Variants in ANG observed in about 807,000 individuals in gnomAD.
ANG encodes Homo sapiens epididymis luminal protein 168.
For synonymous variants in ANG, 74 were observed against 73.8 expected (o/e 1.00, Z -0.02); for missense variants, 178 against 187.4 (o/e 0.95, Z 0.29).
At chr14:20,688,007 G>A (rs895380767), upstream of ANG, among the ~76,000 whole-genome samples, 4 of 152,190 alleles carry the variant, frequency 2.6e-5, no homozygotes, top group African/African-American at 9.7e-5. Context: ...GGTGATCCTG[G>A]TGACCTTTGG....
chr14:20,692,934 G>T (rs901863681), intron 1 of ANG, among the ~76,000 whole-genome samples: 3 of 151,960 alleles, frequency 2.0e-5, no homozygotes, highest in Non-Finnish European at 4.4e-5. Flanking sequence ...TGCAAGCTCC[G>T]CCTCCCGGGT....
Position 20,693,617 on chromosome 14 carries a change from T to G in ANG, c.53T>G (p.Leu18Arg), listed in dbSNP as rs768342067. The G allele has an allele frequency of 6.2e-7, 1 of 1,614,068 alleles. No homozygotes were observed. The highest frequency in any genetic ancestry group is 8.5e-7 in the Non-Finnish European group (1 of 1,180,042). ...LLLVFVLGLG[L>R]TPPTLAQDNS... ...TTGGTCTTCGTGCTGGGTCTGGGTC[T>G]GACCCCACCGACCCTGGCTCAGGAT... The change falls in exon 2 of 2, where the codon CTG becomes CGG. Residue 18 changes from leucine to arginine, a missense_variant. Transcript: ENST00000397990.
intron 1 of ANG, among the ~76,000 whole-genome samples, chr14:20,689,447 G>A (rs979116775): frequency 6.6e-6 from 1 of 152,198 alleles, no homozygotes; most frequent in East Asian, 1.9e-4. Context: ...AAAGTGTGAA[G>A]CCACATTGAT....
At chr14:20,692,886 C>T (rs546792502) in intron 1 of ANG, among the ~76,000 whole-genome samples, 8 of 152,046 alleles carry the variant, frequency 5.3e-5, no homozygotes, top group Admixed American at 2.6e-4. Context: ...CTCGCTCTGT[C>T]GCCAAGGCTG....
At chr14:20,685,892 T>C (rs1212906618), upstream of ANG, among the ~76,000 whole-genome samples, 1 of 151,752 alleles carries the variant, frequency 6.6e-6, no homozygotes, top group Non-Finnish European at 1.5e-5. Flanking sequence ...ATACAAAAAT[T>C]AGCCGGGCAC....
In ANG at chr14:20,693,579, G is replaced by A; in HGVS notation, c.15G>A (p.Leu5=). Residue 5 remains leucine (L), a synonymous_variant, in exon 2 of 2, where the codon CTG becomes CTA. Coordinates refer to ENST00000397990, the MANE Select transcript of ANG (RefSeq NM_001097577.3). The part of the protein sequence containing the change: MVMG[L]GVLLLVFVLG... ...TGTTGGAAGAGATGGTGATGGGCCTGGGCGTTTTGTTGTTGGTCTTCGTGC... is the reference window on the plus strand; with the variant it reads ...TGTTGGAAGAGATGGTGATGGGCCTAGGCGTTTTGTTGTTGGTCTTCGTGC... 1 of 1,612,864 alleles carries A rather than the reference G, an allele frequency of 6.2e-7. No homozygotes were observed. Among genetic ancestry groups the A allele is most frequent in the Non-Finnish European group, 8.5e-7 (1 of 1,180,034 alleles).
chr14:20,692,608 A>T (rs573024590), intron 1 of ANG, among the ~76,000 whole-genome samples: 115 of 152,336 alleles, frequency 7.5e-4, no homozygotes, highest in African/African-American at 2.5e-3. Context: ...GAATCTAACT[A>T]ATGCTTGATG....
upstream of ANG, among the ~76,000 whole-genome samples, chr14:20,686,026 C>G (rs1046979146): frequency 1.5e-5 from 2 of 136,432 alleles, no homozygotes; most frequent in African/African-American, 5.8e-5. Flanking sequence ...GGTGACAGAG[C>G]AAGACTCCGT....
At chr14:20,686,673 T>C (rs962623494), upstream of ANG, among the ~76,000 whole-genome samples, 1 of 152,206 alleles carries the variant, frequency 6.6e-6, no homozygotes, top group African/African-American at 2.4e-5. Context: ...AGCAGGACTT[T>C]GTCCCCACTG....
intron 1 of ANG, among the ~76,000 whole-genome samples, chr14:20,691,293 G>C (rs888231594): frequency 2.6e-5 from 4 of 152,244 alleles, no homozygotes; most frequent in Non-Finnish European, 5.9e-5. Flanking sequence ...CCAGGCAGAA[G>C]AATGTTGACT....
At chr14:20,686,696 T>C (rs1456762971), upstream of ANG, among the ~76,000 whole-genome samples, 1 of 151,890 alleles carries the variant, frequency 6.6e-6, no homozygotes. Context: ...CTTCAATCAG[T>C]AGTGTTGCCT....
intron 1 of ANG, among the ~76,000 whole-genome samples, chr14:20,689,942 G>A (rs1355131162): frequency 6.7e-6 from 1 of 149,180 alleles, no homozygotes; most frequent in Non-Finnish European, 1.5e-5. Flanking sequence ...CAGGCCGGGC[G>A]CGGTGGCTCA....
upstream of ANG, among the ~76,000 whole-genome samples, chr14:20,685,029 C>G (rs1886357768): frequency 6.6e-6 from 1 of 152,186 alleles, no homozygotes; most frequent in African/African-American, 2.4e-5. Context: ...ACCACAGAAT[C>G]GCCGAACCTA....
rs1453183730 is a variant in ANG, at chr14:20,693,541, C to A, written c.-18-6C>A. On this transcript the variant is annotated splice_region_variant and splice_polypyrimidine_tract_variant and intron_variant, in intron 1 of 1. Transcript: ENST00000397990. Reference sequence around the variant, plus strand: ...GGTCTACCACACCTCCTTTTGCCCTCCGCAGGAGCCTGTGTTGGAAGAGAT... The same window carrying A: ...GGTCTACCACACCTCCTTTTGCCCTACGCAGGAGCCTGTGTTGGAAGAGAT... 6.2e-7 allele frequency: 1 copy of A among 1,610,136 alleles called. No individual in the cohort carries two copies. The highest frequency in any genetic ancestry group is 1.1e-5 in the South Asian group (1 of 90,998).
chr14:20,690,221 C>CAAAAAAAAAAAAAAAA (rs36091065), intron 1 of ANG, among the ~76,000 whole-genome samples: 2 of 67,978 alleles, frequency 2.9e-5, no homozygotes, highest in Non-Finnish European at 2.5e-5. Context: ...GACTCCGTCT[C>CAAAAAAAAAAAAAAAA]AAAAAAAAAA....
chr14:20,685,277 A>T (rs1176301213), upstream of ANG, among the ~76,000 whole-genome samples: 1 of 152,136 alleles, frequency 6.6e-6, no homozygotes, highest in Non-Finnish European at 1.5e-5. Context: ...TTCCTACTGG[A>T]AGGTTGGGAT....
rs1189136351 is a variant in ANG, at chr14:20,690,012, G to A, written c.-19+1138G>A. Among the ~76,000 whole-genome samples the A allele has an allele frequency of 6.1e-5, 9 of 147,580 alleles. No individual in the cohort carries two copies. The East Asian group carries it at 7.9e-4, about 13-fold the overall frequency. The stretch of plus-strand genomic sequence containing the variant: ...GGGTGGATCATGAGGTCAGGAGATC[G>A]AGACCATCCTGGCTAACAAGGTGAA... On this transcript the variant is annotated intron_variant, in intron 1 of 1. Transcript: ENST00000397990.
upstream of ANG, chr14:20,684,330 T>C (rs1886317836): frequency 6.6e-6 from 1 of 152,228 alleles, no homozygotes; most frequent in Non-Finnish European, 1.5e-5. Flanking sequence ...TTTCCCGCCA[T>C]CTGCTCTCCG....
intron 1 of ANG, among the ~76,000 whole-genome samples, chr14:20,693,052 G>A (rs7143619): frequency 6.6e-6 from 1 of 150,582 alleles, no homozygotes; most frequent in Non-Finnish European, 1.5e-5. Flanking sequence ...TTTCACCGTG[G>A]TAGCCAGGAT....
Sources: allele counts gnomAD v4.1 joint callset (sites outside exome capture counted in the v4.1 genomes callset), GRCh38; gene constraint gnomAD v4.1.1; transcripts MANE v1.5; gene names NCBI Gene and HGNC (gene_info 2026-07-23, HGNC 2026-07-21).